The following DNAH7 variants were observed in gnomAD, a reference collection of about 807,000 sequenced individuals.
DNAH7 encodes axonemal beta dynein heavy chain 7.
DNAH7 carries 397 observed loss-of-function variants against 444.6 expected under a neutral mutation model. The ratio of observed to expected loss-of-function variants is 0.89; its 90% CI spans 0.82 to 0.97. The LOEUF (loss-of-function observed/expected upper bound fraction) is 0.97, where lower values mean the gene tolerates loss of function less well. DNAH7 is among the 50% of genes least tolerant of loss of function. The pLI is 0.00. For synonymous variants in DNAH7, 1,636 were observed against 1,624.4 expected (o/e 1.01, Z -0.17); for missense variants, 4,902 against 4,800.8 (o/e 1.02, Z -0.62).
At chr2:195,802,800 T>C (rs1212679233) in intron 54 of DNAH7, among the ~76,000 whole-genome samples, 3 of 152,234 alleles carry the variant, frequency 2.0e-5, no homozygotes, top group Admixed American at 2.0e-4. Context: ...GGGTATCCGT[T>C]ACCCAGATAA....
Position 195,771,778 on chromosome 2 carries a change from C to T in DNAH7, c.11315G>A (p.Arg3772Lys). ...NNFDIEAAMRRYPTTYTQSMN... is the reference protein window; with the variant it reads ...NNFDIEAAMRKYPTTYTQSMN... ...GCTCTGAGTATAAGTTGTTGGGTAC[C>T]TCCTCATGGCAGCCTCGATGTCGAA... Residue 3772 changes from arginine to lysine, a missense_variant, in exon 61 of 65, where the codon AGG becomes AAG. Transcript: ENST00000312428. The T allele has an allele frequency of 1.2e-6, 2 of 1,614,118 alleles. No individual in the cohort carries two copies. The highest frequency in any genetic ancestry group is 1.7e-6 in the Non-Finnish European group (2 of 1,180,022).
intron 5 of DNAH7, among the ~76,000 whole-genome samples, chr2:196,042,305 A>G (rs753728625): frequency 9.2e-5 from 14 of 152,062 alleles, no homozygotes; most frequent in Non-Finnish European, 1.8e-4. Flanking sequence ...GAAATAATAA[A>G]TATTTGAGGG....
intron 35 of DNAH7, among the ~76,000 whole-genome samples, chr2:195,882,822 T>C (rs1157541817): frequency 2.6e-5 from 4 of 152,174 alleles, no homozygotes; most frequent in Admixed American, 1.3e-4. Context: ...GCCTCACTGA[T>C]GCACATGCTG....
At chr2:195,954,330 A>G (rs1279352536) in intron 19 of DNAH7, among the ~76,000 whole-genome samples, 1 of 152,150 alleles carries the variant, frequency 6.6e-6, no homozygotes, top group Non-Finnish European at 1.5e-5. Flanking sequence ...TTCCAGCTTC[A>G]TCCATGTCCC....
At chr2:195,978,749 A>G (rs1692365123) in intron 15 of DNAH7, among the ~76,000 whole-genome samples, 1 of 152,164 alleles carries the variant, frequency 6.6e-6, no homozygotes, top group Admixed American at 6.5e-5. Context: ...CATGCCAATG[A>G]AAACCAAAAG....
At chr2:195,902,199 G>A (rs994491456) in intron 27 of DNAH7, 10 of 152,070 alleles carry the variant, frequency 6.6e-5, no homozygotes, top group East Asian at 5.8e-4. Context: ...AGAACAATTC[G>A]AAGATTTGTA....
At chr2:195,777,425 C>A (rs557856943) in intron 59 of DNAH7, among the ~76,000 whole-genome samples, 1 of 152,288 alleles carries the variant, frequency 6.6e-6, no homozygotes, top group Non-Finnish European at 1.5e-5. Flanking sequence ...TAATTACTTG[C>A]AACTGACTTC....
chr2:196,016,530 T>C (rs1447502139), intron 9 of DNAH7, among the ~76,000 whole-genome samples: 1 of 152,128 alleles, frequency 6.6e-6, no homozygotes, highest in Non-Finnish European at 1.5e-5. Flanking sequence ...TTCCTGGAAG[T>C]ATGTATTCTG....
rs139120718 is a variant in DNAH7, at chr2:196,015,092, T to C, written c.870-2186A>G. On this transcript the variant is annotated intron_variant, in intron 9 of 64. Coordinates refer to ENST00000312428, the MANE Select transcript of DNAH7 (RefSeq NM_018897.3). ...GTACACTACTTATCCAAAAGTGAAA[T>C]TGCTGGATTCAAGTGTTACCTGTAA... Among the ~76,000 whole-genome samples, 468 of 152,254 alleles carry C rather than the reference T, an allele frequency of 3.1e-3. 3 individuals are homozygous for C. Among genetic ancestry groups the C allele is most frequent in the African/African-American group, 0.011 (449 of 41,550 alleles).
intron 10 of DNAH7, among the ~76,000 whole-genome samples, chr2:196,003,536 C>A (rs1394091727): frequency 6.6e-6 from 1 of 152,086 alleles, no homozygotes; most frequent in Non-Finnish European, 1.5e-5. Context: ...CACATACATA[C>A]ATAAATAAAT....
intron 21 of DNAH7, among the ~76,000 whole-genome samples, chr2:195,927,201 A>G (rs1236979956): frequency 1.3e-5 from 2 of 152,148 alleles, no homozygotes; most frequent in African/African-American, 2.4e-5. Flanking sequence ...TGATACATCT[A>G]CTTTTTCTAC....
intron 64 of DNAH7, among the ~76,000 whole-genome samples, chr2:195,739,140 C>G (rs1346215809): frequency 6.6e-6 from 1 of 152,220 alleles, no homozygotes; most frequent in Non-Finnish European, 1.5e-5. Flanking sequence ...TCTTCTTGTA[C>G]ACACTGCAAG....
Position 195,961,501 on chromosome 2 carries a change from T to C in DNAH7, c.2206-556A>G, listed in dbSNP as rs1035266580. ...ACTGAGATCATGTGGTATTTGTCTT[T>C]CTGTGCCTGGAATATTTGACTTAAC... On this transcript the variant is annotated intron_variant, in intron 17 of 64. Coordinates refer to ENST00000312428, the MANE Select transcript of DNAH7 (RefSeq NM_018897.3). Among the ~76,000 whole-genome samples, 4 of 148,702 alleles carry C rather than the reference T, an allele frequency of 2.7e-5. No homozygotes were observed. In the South Asian group the frequency reaches 8.5e-4, roughly 32 times the overall value.
chr2:195,972,961 C>G (rs762835155), intron 15 of DNAH7, among the ~76,000 whole-genome samples: 1 of 152,214 alleles, frequency 6.6e-6, no homozygotes, highest in Non-Finnish European at 1.5e-5. Context: ...AACTGCTACA[C>G]AGGCACACTG....
rs142073472 is a variant in DNAH7 at position 196,005,072 on chromosome 2, C to T, written c.990-3214G>A. On this transcript the variant is annotated intron_variant, in intron 10 of 64. Transcript: ENST00000312428. Reference sequence around the variant, plus strand: ...GATCACAAGGTCAGGAGATCAAGACCATCTCAGCTAACACCGTGAAACCCC... The same window carrying T: ...GATCACAAGGTCAGGAGATCAAGACTATCTCAGCTAACACCGTGAAACCCC... Among the ~76,000 whole-genome samples the T allele has an allele frequency of 1.1e-3, 174 of 151,542 alleles. 1 individual carries two copies. The highest frequency in any genetic ancestry group is 8.4e-4 in the Non-Finnish European group (57 of 67,938).
intron 24 of DNAH7, among the ~76,000 whole-genome samples, chr2:195,912,180 C>T (rs1687397763): frequency 1.3e-5 from 2 of 152,084 alleles, no homozygotes; most frequent in African/African-American, 2.4e-5. Flanking sequence ...TGTTTTTTAC[C>T]TCTCTCTGTA....
chr2:195,796,819 A>T (rs1248495915), intron 55 of DNAH7, 82 bp from the exon 56 acceptor site: 41 of 1,425,150 alleles, frequency 2.9e-5, no homozygotes, highest in Non-Finnish European at 3.8e-5. Context: ...GTTAACATTG[A>T]CTATATTACA....
intron 19 of DNAH7, among the ~76,000 whole-genome samples, chr2:195,938,412 T>C (rs1275894025): frequency 6.7e-6 from 1 of 148,308 alleles, no homozygotes; most frequent in Non-Finnish European, 1.5e-5. Context: ...ACTCAGGCCA[T>C]CATGTTCGCC....
At chr2:196,020,580 G>C (rs1213561363) in intron 8 of DNAH7, among the ~76,000 whole-genome samples, 1 of 150,672 alleles carries the variant, frequency 6.6e-6, no homozygotes, top group African/African-American at 2.4e-5. Flanking sequence ...TTTTGTGTGT[G>C]TGTGTGGAAT....
Sources: gnomAD v4.1 joint callset for allele counts (sites outside exome capture counted in the v4.1 genomes callset) on GRCh38, gnomAD v4.1.1 for gene constraint, MANE v1.5 for transcripts, NCBI Gene and HGNC (gene_info 2026-07-23, HGNC 2026-07-21) for gene names.